Variants in GLIS3 observed in about 807,000 individuals in gnomAD.
The protein encoded by GLIS3 is zinc finger protein GLIS3.
In GLIS3, 53 loss-of-function variants were observed where a neutral mutation model predicts 78.6. That is an observed-to-expected ratio of 0.67 (90% confidence interval 0.54 to 0.85). The LOEUF is 0.85. GLIS3 is among the 40% of genes least tolerant of loss of function. The pLI is 0.00. For missense variants in GLIS3, 1,703 were observed against 1,231.1 expected, an observed-to-expected ratio of 1.38 and a Z score of -5.74; for synonymous variants, 684 against 509.9, an observed-to-expected ratio of 1.34 and a Z score of -4.60.
In GLIS3 at chr9:4,118,670, G is replaced by T. The variant is rs1024751925; in HGVS notation, c.808C>A (p.Pro270Thr). 1 of 1,614,176 alleles carries T rather than the reference G, an allele frequency of 6.2e-7. No individual in the cohort carries two copies. The highest frequency in any genetic ancestry group is 8.5e-7 in the Non-Finnish European group (1 of 1,180,034). The change falls in exon 4 of 11, where the codon CCA becomes ACA. Residue 270 changes from proline to threonine, a missense_variant. Physicochemically the swap from Pro to Thr is conservative, Grantham distance 38. Transcript: ENST00000381971. This position sits in a 1 kb window ranked among gnomAD's most constrained non-coding sequence, Gnocchi z 4.7. ...MSSNSVSNSL[P>T]SYLFGTESSH... ...CTTTCCGTGCCAAAAAGGTAGGATG[G>T]TAATGAGTTAGAGACACTATTGCTG...
chr9:4,331,170 G>A (rs1441618530), intron 2 of GLIS3, among the ~76,000 whole-genome samples: 1 of 152,160 alleles, frequency 6.6e-6, no homozygotes, highest in Non-Finnish European at 1.5e-5. Flanking sequence ...CACTCCCCCT[G>A]AAAGCTCTAG....
At chr9:4,261,674 A>G (rs992581705) in intron 2 of GLIS3, among the ~76,000 whole-genome samples, 2 of 152,172 alleles carry the variant, frequency 1.3e-5, no homozygotes, top group African/African-American at 4.8e-5. Context: ...CACATTACGT[A>G]ACTCACTCAC....
intron 2 of GLIS3, among the ~76,000 whole-genome samples, chr9:4,268,345 A>G (rs1009295650): frequency 1.3e-5 from 2 of 152,140 alleles, no homozygotes; most frequent in African/African-American, 4.8e-5. Flanking sequence ...AGCATCTACC[A>G]TATCATAAGT....
At position 3,871,163 on chromosome 9, in the gene GLIS3, A is replaced by T. The variant is rs181947785; in HGVS notation, c.2297+8264T>A. Among the ~76,000 whole-genome samples the T allele has an allele frequency of 3.1e-4, 47 of 152,322 alleles. 1 individual carries two copies. Among genetic ancestry groups the T allele is most frequent in the African/African-American group, 1.1e-3 (46 of 41,576 alleles). ...CATGTCTCATACCCAGGTCACACTG[A>T]TGCAAGAGGTGGGTTCCCATGGTCT... On this transcript the variant is annotated intron_variant, in intron 8 of 10. Coordinates refer to ENST00000381971, the MANE Select transcript of GLIS3 (RefSeq NM_001042413.2).
chr9:3,856,679 T>A (rs1819815536), intron 8 of GLIS3, among the ~76,000 whole-genome samples: 1 of 152,350 alleles, frequency 6.6e-6, no homozygotes, highest in South Asian at 2.1e-4. Context: ...TCTAATCCTA[T>A]TCTCTTTGAA....
At chr9:4,453,725 A>G in the GLIS3 span, among the ~76,000 whole-genome samples, 1 of 152,190 alleles carries the variant, frequency 6.6e-6, no homozygotes, top group Non-Finnish European at 1.5e-5. Flanking sequence ...GGAAACCATC[A>G]TTCTGAGCAA....
the GLIS3 span, among the ~76,000 whole-genome samples, chr9:4,373,963 G>A: frequency 2.1e-4 from 32 of 152,242 alleles, no homozygotes; most frequent in African/African-American, 7.5e-4. Context: ...ACCGCGCCTG[G>A]CCGAAAATGT....
At chr9:3,965,355 G>A (rs1205449313) in intron 4 of GLIS3, among the ~76,000 whole-genome samples, 1 of 151,498 alleles carries the variant, frequency 6.6e-6, no homozygotes, top group African/African-American at 2.4e-5. Flanking sequence ...CACCACTCCT[G>A]GCTAATTTTT....
chr9:4,254,947 C>T (rs1043423771), intron 2 of GLIS3, among the ~76,000 whole-genome samples: 1 of 151,934 alleles, frequency 6.6e-6, no homozygotes, highest in African/African-American at 2.4e-5. Flanking sequence ...AAACATTTAT[C>T]TGTTAAAGGA....
At chr9:4,107,934 A>C (rs928694215) in intron 4 of GLIS3, among the ~76,000 whole-genome samples, 3 of 152,178 alleles carry the variant, frequency 2.0e-5, no homozygotes, top group Non-Finnish European at 4.4e-5. Context: ...CGTATCCATC[A>C]TCTAGCTTCA....
intron 4 of GLIS3, among the ~76,000 whole-genome samples, chr9:4,000,608 T>C (rs1275339292): frequency 6.6e-6 from 1 of 152,232 alleles, no homozygotes; most frequent in Non-Finnish European, 1.5e-5. Flanking sequence ...GTTATTTTCT[T>C]AGTCCTCTGC....
intron 4 of GLIS3, among the ~76,000 whole-genome samples, chr9:4,036,572 CCT>C (rs1824325953): frequency 6.6e-6 from 1 of 152,088 alleles, no homozygotes; most frequent in South Asian, 2.1e-4. Context: ...CAGTTTTCTC[CCT>C]GAGACTCCAA....
At chr9:4,136,406 T>A (rs759245218) in intron 2 of GLIS3, among the ~76,000 whole-genome samples, 4 of 152,204 alleles carry the variant, frequency 2.6e-5, no homozygotes, top group Non-Finnish European at 5.9e-5. Context: ...GAAGTTGGCC[T>A]CATGGAGATG....
the GLIS3 span, among the ~76,000 whole-genome samples, chr9:4,456,126 G>A: frequency 1.0e-3 from 159 of 152,146 alleles, 1 homozygote; most frequent in Admixed American, 3.1e-3. Flanking sequence ...AAAAAGTTGT[G>A]TTTACACTAT....
chr9:4,143,888 C>T (rs1834007532), intron 2 of GLIS3, among the ~76,000 whole-genome samples: 1 of 152,196 alleles, frequency 6.6e-6, no homozygotes, highest in Non-Finnish European at 1.5e-5. Context: ...ATGGCGAAAC[C>T]ATCTAAATGT....
At position 4,217,775 on chromosome 9, in the gene GLIS3, C is replaced by A. The variant is rs1479959554; in HGVS notation, c.388+68263G>T. Among the ~76,000 whole-genome samples, 4 of 152,194 alleles carry A rather than the reference C, an allele frequency of 2.6e-5. No individual in the cohort carries two copies. The East Asian group carries it at 7.7e-4, about 29-fold the overall frequency. On this transcript the variant is annotated intron_variant, in intron 2 of 10. Transcript: ENST00000381971. ...CTCCTCATTTTCAGGTCACTTTCAG[C>A]TGGCATCCCAAATCACAATTCAAAC...
chr9:4,290,035 A>G (rs1482059652), intron 1 of GLIS3, among the ~76,000 whole-genome samples: 1 of 152,150 alleles, frequency 6.6e-6, no homozygotes, highest in East Asian at 1.9e-4. Context: ...GGATTAAAAG[A>G]TTAAACAAAC....
At chr9:4,267,318 G>C (rs1039624670) in intron 2 of GLIS3, among the ~76,000 whole-genome samples, 2 of 152,174 alleles carry the variant, frequency 1.3e-5, no homozygotes, top group African/African-American at 4.8e-5. Context: ...TGTATAAATT[G>C]AGAGTAGACA....
chr9:3,862,302 T>C (rs1294803426), intron 8 of GLIS3, among the ~76,000 whole-genome samples: 1 of 152,196 alleles, frequency 6.6e-6, no homozygotes, highest in Non-Finnish European at 1.5e-5. Flanking sequence ...ATCTTTATCA[T>C]GGGCTAGTGG....
Sources: allele counts gnomAD v4.1 joint callset (sites outside exome capture counted in the v4.1 genomes callset), GRCh38; gene constraint gnomAD v4.1.1; non-coding constraint Gnocchi (gnomAD v3.1); transcripts MANE v1.5; gene names NCBI Gene and HGNC (gene_info 2026-07-23, HGNC 2026-07-21).